The following DCC variants were observed in gnomAD, a reference collection of about 807,000 sequenced individuals.
DCC encodes DCC netrin 1 receptor, also known as netrin receptor DCC.
A neutral mutation model predicts 172.5 loss-of-function variants in DCC; 58 were observed. That is an observed-to-expected ratio of 0.34 (90% CI 0.27 to 0.42). The LOEUF is 0.42. DCC is among the 10% of genes least tolerant of loss of function. DCC has a pLI of 1.00. For synonymous variants in DCC, 709 were observed against 644.5 expected (o/e 1.10, Z -1.52); for missense variants, 1,740 against 1,791.0 (o/e 0.97, Z 0.51).
At chr18:52,724,412 G>C (rs958993591) in intron 1 of DCC, among the ~76,000 whole-genome samples, 1 of 152,072 alleles carries the variant, frequency 6.6e-6, no homozygotes, top group Non-Finnish European at 1.5e-5. Flanking sequence ...GATTCCCAAA[G>C]TGCTGAGATT....
At chr18:52,865,525 C>A (rs1437824196) in intron 2 of DCC, among the ~76,000 whole-genome samples, 1 of 151,938 alleles carries the variant, frequency 6.6e-6, no homozygotes, top group East Asian at 1.9e-4. Context: ...TTTTAATGAT[C>A]GCCATTCTAA....
chr18:53,104,945 A>G (rs773860827), intron 7 of DCC, among the ~76,000 whole-genome samples: 7 of 152,080 alleles, frequency 4.6e-5, no homozygotes, highest in Admixed American at 6.6e-5. Flanking sequence ...ACCACATGGG[A>G]GCAGACAGAG....
intron 7 of DCC, among the ~76,000 whole-genome samples, chr18:53,105,230 C>A (rs764180462): frequency 4.6e-5 from 7 of 151,976 alleles, no homozygotes; most frequent in Non-Finnish European, 7.4e-5. Flanking sequence ...CCTTAGCAGG[C>A]AGTTTAGATT....
At chr18:52,917,150 AC>A (rs1327229527) in intron 3 of DCC, among the ~76,000 whole-genome samples, 51 of 145,014 alleles carry the variant, frequency 3.5e-4, no homozygotes, top group African/African-American at 1.3e-3. Context: ...AAAAAAAAAA[AC>A]AAGAAAAAAA....
intron 2 of DCC, among the ~76,000 whole-genome samples, chr18:52,801,455 A>T (rs185404019): frequency 7.2e-4 from 110 of 152,336 alleles, no homozygotes; most frequent in African/African-American, 2.4e-3. Context: ...GGTGAAAAAA[A>T]AATTGCCTCA....
intron 2 of DCC, among the ~76,000 whole-genome samples, chr18:52,881,199 T>C (rs1223014538): frequency 6.6e-6 from 1 of 152,102 alleles, no homozygotes; most frequent in Admixed American, 6.6e-5. Flanking sequence ...TTTAAAAACA[T>C]TGGATTAGAC....
At chr18:53,043,022 G>A (rs970274294) in intron 5 of DCC, among the ~76,000 whole-genome samples, 1 of 151,920 alleles carries the variant, frequency 6.6e-6, no homozygotes, top group Non-Finnish European at 1.5e-5. Flanking sequence ...GCACACGTAT[G>A]TTTATTGCAG....
chr18:53,422,123 G>A (rs1910671687), intron 21 of DCC, among the ~76,000 whole-genome samples: 1 of 152,130 alleles, frequency 6.6e-6, no homozygotes, highest in Admixed American at 6.6e-5. Flanking sequence ...TGTCTTGTGA[G>A]ACTAAACCCA....
chr18:52,651,388 G>T (rs568378567), intron 1 of DCC, among the ~76,000 whole-genome samples: 17 of 151,918 alleles, frequency 1.1e-4, no homozygotes, highest in African/African-American at 1.7e-4. Flanking sequence ...TCACCATGTT[G>T]CCCAGGCTAG....
intron 12 of DCC, among the ~76,000 whole-genome samples, chr18:53,247,425 A>G (rs1366492854): frequency 3.3e-5 from 5 of 152,028 alleles, no homozygotes; most frequent in Non-Finnish European, 5.9e-5. Context: ...GTGCTTATAA[A>G]TAGTGAAGAT....
At chr18:53,143,015 G>A (rs1474170088) in intron 7 of DCC, among the ~76,000 whole-genome samples, 1 of 152,146 alleles carries the variant, frequency 6.6e-6, no homozygotes, top group Non-Finnish European at 1.5e-5. Flanking sequence ...GAATACCACA[G>A]AGGGGAAGTG....
rs1231282077 is a variant in DCC, at chr18:52,986,719, T to TATATATATACACACACAC, written c.985+61368_985+61385dup. 1.6e-3 allele frequency among the ~76,000 whole-genome samples: 249 copies of TATATATATACACACACAC among 152,040 alleles called. 2 individuals carry two copies. Among genetic ancestry groups the TATATATATACACACACAC allele is most frequent in the Non-Finnish European group, 2.4e-3 (164 of 67,986 alleles). On this transcript the variant is annotated intron_variant, in intron 5 of 28. Transcript: ENST00000442544. ...CTGTCTGATATTTTGTAGCAGAAGC[T>TATATATATACACACACAC]ATATATATACACACACACATATATA...
chr18:52,594,347 T>A (rs144798824), intron 1 of DCC, among the ~76,000 whole-genome samples: 1 of 152,346 alleles, frequency 6.6e-6, no homozygotes, highest in East Asian at 1.9e-4. Context: ...TTGTTTAGGC[T>A]ATTTTTCCAA....
intron 5 of DCC, among the ~76,000 whole-genome samples, chr18:52,967,001 C>T (rs1598980279): frequency 6.6e-6 from 1 of 152,160 alleles, no homozygotes; most frequent in African/African-American, 2.4e-5. Flanking sequence ...CTACTCCTCC[C>T]TCTGGTTGGC....
chr18:53,159,240 A>G (rs1051363021), intron 8 of DCC, among the ~76,000 whole-genome samples: 3 of 152,188 alleles, frequency 2.0e-5, no homozygotes, highest in East Asian at 3.9e-4. Context: ...AACCTGCCCA[A>G]AACATACTCA....
intron 7 of DCC, among the ~76,000 whole-genome samples, chr18:53,096,663 T>G (rs1238760354): frequency 1.3e-5 from 2 of 152,100 alleles, no homozygotes; most frequent in African/African-American, 2.4e-5. Context: ...TATAGCCTCA[T>G]AGTGAATTCT....
intron 25 of DCC, among the ~76,000 whole-genome samples, chr18:53,473,279 A>G (rs918100290): frequency 6.6e-6 from 1 of 152,222 alleles, no homozygotes; most frequent in Admixed American, 6.5e-5. Flanking sequence ...ATAAGGATGT[A>G]ATGTATCTAA....
intron 1 of DCC, among the ~76,000 whole-genome samples, chr18:52,397,171 CG>C (rs1454014467): frequency 1.3e-5 from 2 of 151,886 alleles, no homozygotes; most frequent in Non-Finnish European, 2.9e-5. Context: ...ATCAAAATTA[CG>C]TGGGGAGCAT....
intron 1 of DCC, among the ~76,000 whole-genome samples, chr18:52,682,522 G>A (rs2035764955): frequency 6.6e-6 from 1 of 152,022 alleles, no homozygotes; most frequent in Admixed American, 6.6e-5. Context: ...AGATGAGGCT[G>A]GAGAGGCGGG....
Sources: allele counts gnomAD v4.1 joint callset (sites outside exome capture counted in the v4.1 genomes callset), GRCh38; gene constraint gnomAD v4.1.1; transcripts MANE v1.5; gene names NCBI Gene and HGNC (gene_info 2026-07-23, HGNC 2026-07-21).